FRMD4A: variants seen among roughly 807,000 people sequenced by gnomAD.
FRMD4A encodes the protein FERM domain-containing protein 4A.
Under a neutral mutation model 129.1 loss-of-function variants are expected in FRMD4A, and 29 were observed. The ratio of observed to expected loss-of-function variants is 0.22; its 90% CI spans 0.17 to 0.31. The LOEUF is 0.31. FRMD4A is among the 10% of genes least tolerant of loss of function. FRMD4A has a pLI of 1.00. For missense variants in FRMD4A, 1,272 were observed against 1,375.8 expected (o/e 0.92, Z 1.19); for synonymous variants, 634 against 571.6 (o/e 1.11, Z -1.56).
At chr10:13,884,162 A>ACACACACACTCACACG (rs781772320) in intron 2 of FRMD4A, among the ~76,000 whole-genome samples, 2,594 of 15,804 alleles carry the variant, frequency 0.16, 93 homozygotes, top group South Asian at 0.41. Context: ...ACTCTCACAC[A>ACACACACACTCACACG]CACACTCACA....
intron 12 of FRMD4A, among the ~76,000 whole-genome samples, chr10:13,732,761 T>TC (rs1319632770): frequency 6.6e-6 from 1 of 152,088 alleles, no homozygotes; most frequent in African/African-American, 2.4e-5. Flanking sequence ...GTGCCACCCC[T>TC]CCCAGATGGC....
chr10:13,953,826 A>C (rs74122407), intron 2 of FRMD4A, among the ~76,000 whole-genome samples: 2,337 of 152,326 alleles, frequency 0.015, 59 homozygotes, highest in African/African-American at 0.05. Flanking sequence ...TCGAGGTTTC[A>C]GGCACCCACT....
At chr10:13,842,255 TGTC>T (rs1203709790) in intron 3 of FRMD4A, among the ~76,000 whole-genome samples, 1 of 152,210 alleles carries the variant, frequency 6.6e-6, no homozygotes, top group Admixed American at 6.5e-5. Context: ...GTCTTCTGAG[TGTC>T]GTCTAGTCCA....
intron 2 of FRMD4A, among the ~76,000 whole-genome samples, chr10:14,067,294 C>T (rs775927631): frequency 5.3e-5 from 8 of 151,100 alleles, no homozygotes; most frequent in Admixed American, 3.9e-4. Flanking sequence ...CCAGCCTGGG[C>T]GACAGAGAGA....
intron 2 of FRMD4A, among the ~76,000 whole-genome samples, chr10:13,955,774 A>G (rs1197409958): frequency 6.6e-6 from 1 of 152,234 alleles, no homozygotes. Context: ...TGTGTTCCAT[A>G]TGTGGAGATA....
chr10:14,140,043 T>C (rs992471039), intron 2 of FRMD4A, among the ~76,000 whole-genome samples: 1 of 151,970 alleles, frequency 6.6e-6, no homozygotes, highest in African/African-American at 2.4e-5. Context: ...AGGAGGAAAA[T>C]GCATTTTATT....
At chr10:13,723,037 T>C (rs1170691330) in intron 12 of FRMD4A, among the ~76,000 whole-genome samples, 2 of 150,776 alleles carry the variant, frequency 1.3e-5, no homozygotes, top group African/African-American at 2.4e-5. Flanking sequence ...GGTCCCTATG[T>C]TGGTTAGCTA....
rs1554808603 is a variant in FRMD4A, at chr10:14,316,524, A to AG, written c.45+13533_45+13534insC. ...TGATAGCAGCAAAAAAAAAAAAAAA[A>AG]AAGAAGAAGAAGAAGAAGAAACCAG... On this transcript the variant is annotated intron_variant, in intron 2 of 24. Transcript: ENST00000357447. 1.9e-3 allele frequency among the ~76,000 whole-genome samples: 256 copies of AG among 132,656 alleles called. 1 individual carries two copies. Among genetic ancestry groups the AG allele is most frequent in the Non-Finnish European group, 3.6e-3 (221 of 61,584 alleles). The allele number at this position is 132,656 out of a possible 152,430, so 87.0% of individuals were successfully genotyped here. A position where few individuals can be genotyped will look rare whatever the true frequency, so the allele number is the denominator to read the frequency against.
At chr10:14,315,808 T>C (rs1048444401) in intron 2 of FRMD4A, among the ~76,000 whole-genome samples, 15 of 152,212 alleles carry the variant, frequency 9.9e-5, no homozygotes, top group African/African-American at 3.6e-4. Flanking sequence ...GGTCTGAACC[T>C]TCAAGTTCAG....
chr10:14,052,924 T>C (rs1482515313), intron 2 of FRMD4A, among the ~76,000 whole-genome samples: 2 of 151,908 alleles, frequency 1.3e-5, no homozygotes, highest in Non-Finnish European at 2.9e-5. Flanking sequence ...ACTCATTCTT[T>C]ACTGCAAGGA....
chr10:13,927,024 C>T (rs534794385), intron 2 of FRMD4A, among the ~76,000 whole-genome samples: 3 of 152,214 alleles, frequency 2.0e-5, no homozygotes, highest in South Asian at 4.2e-4. Context: ...GAGGCTGAGG[C>T]GGGCAGATCA....
chr10:13,782,453 T>G (rs1483994209), intron 6 of FRMD4A, among the ~76,000 whole-genome samples: 1 of 151,192 alleles, frequency 6.6e-6, no homozygotes, highest in South Asian at 2.1e-4. Context: ...TATTCCTTTT[T>G]TTTTTTTTTG....
chr10:13,976,416 G>T (rs2095542267), intron 2 of FRMD4A, among the ~76,000 whole-genome samples: 1 of 152,114 alleles, frequency 6.6e-6, no homozygotes. Flanking sequence ...GCCAGGTACG[G>T]ACTCCCAGCC....
intron 2 of FRMD4A, among the ~76,000 whole-genome samples, chr10:14,195,127 T>C (rs762744653): frequency 5.1e-4 from 78 of 152,330 alleles, no homozygotes; most frequent in Non-Finnish European, 8.8e-4. Context: ...ATGCTATTTC[T>C]TTCTCCCAAA....
chr10:13,767,108 A>C (rs184909847), intron 6 of FRMD4A, among the ~76,000 whole-genome samples: 1 of 152,214 alleles, frequency 6.6e-6, no homozygotes, highest in East Asian at 1.9e-4. Context: ...CACCCCTGAA[A>C]GCCAAGTTCC....
intron 2 of FRMD4A, among the ~76,000 whole-genome samples, chr10:13,951,545 G>T (rs555992360): frequency 6.6e-6 from 1 of 152,058 alleles, no homozygotes; most frequent in Non-Finnish European, 1.5e-5. Flanking sequence ...GCCACATTTC[G>T]GGGAGTTGTG....
chr10:13,957,526 A>C (rs540243627), intron 2 of FRMD4A, among the ~76,000 whole-genome samples: 2 of 152,282 alleles, frequency 1.3e-5, no homozygotes, highest in Non-Finnish European at 2.9e-5. Context: ...AAGTGCTGGG[A>C]TTATAGACGT....
chr10:14,317,704 A>T (rs1044409439), intron 2 of FRMD4A, among the ~76,000 whole-genome samples: 13 of 101,104 alleles, frequency 1.3e-4, no homozygotes, highest in Non-Finnish European at 1.9e-4. Context: ...AAGGGAGGGA[A>T]GAGGAGGGGA....
At chr10:14,326,983 C>G (rs746544415) in intron 2 of FRMD4A, 3 of 398,582 alleles carry the variant, frequency 7.5e-6, no homozygotes, top group Admixed American at 4.4e-5. Context: ...GTGGCTCTGT[C>G]CTGTGTGGAG....
Sources: allele counts gnomAD v4.1 joint callset (sites outside exome capture counted in the v4.1 genomes callset), GRCh38; gene constraint gnomAD v4.1.1; transcripts MANE v1.5; gene names NCBI Gene and HGNC (gene_info 2026-07-23, HGNC 2026-07-21).